Variants in GRK1 observed in about 807,000 individuals in gnomAD.
GRK1 encodes rhodopsin kinase GRK1.
In GRK1, 28 loss-of-function variants were observed where a neutral mutation model predicts 41.7. The observed-to-expected ratio is 0.67, with a 90% confidence interval of 0.50 to 0.92. The LOEUF (loss-of-function observed/expected upper bound fraction) is 0.92. GRK1 is among the 40% of genes least tolerant of loss of function. The pLI is 0.00. For missense variants in GRK1, 703 were observed against 671.2 expected (o/e 1.05, Z -0.52); for synonymous variants, 327 against 286.7 (o/e 1.14, Z -1.42).
upstream of GRK1, among the ~76,000 whole-genome samples, chr13:113,663,352 G>C (rs1397906909): frequency 2.2e-4 from 33 of 152,210 alleles, 1 homozygote; most frequent in Admixed American, 2.2e-3. Flanking sequence ...ACCCAAAGTG[G>C]ATATGAACGT....
the GRK1 span, chr13:113,651,626 G>C: frequency 2.6e-6 from 4 of 1,547,278 alleles, no homozygotes; most frequent in South Asian, 3.6e-5. Flanking sequence ...ACCCTGACAA[G>C]CTCCTTTCCT....
chr13:113,733,441 C>T (rs1397606747), intron 6 of GRK1, among the ~76,000 whole-genome samples: 1 of 151,086 alleles, frequency 6.6e-6, no homozygotes, highest in Non-Finnish European at 1.5e-5. Flanking sequence ...AAGTCATCCA[C>T]CCACCAGCAC....
At chr13:113,672,478 T>C (rs1184701548) in intron 3 of GRK1, among the ~76,000 whole-genome samples, 17 of 140,310 alleles carry the variant, frequency 1.2e-4, no homozygotes, top group African/African-American at 4.5e-4. Flanking sequence ...GTGTGTGGTA[T>C]CTGTATGGTG....
intron 5 of GRK1, 124 bp from the exon 6 acceptor site, chr13:113,732,760 C>A: frequency 1.0e-6 from 1 of 968,230 alleles, no homozygotes; most frequent in Non-Finnish European, 1.5e-6. Flanking sequence ...GGGAGGGGCA[C>A]AAGGCCTCAT....
intron 4 of GRK1, among the ~76,000 whole-genome samples, chr13:113,730,675 C>T (rs958419804): frequency 6.6e-6 from 1 of 152,240 alleles, no homozygotes; most frequent in African/African-American, 2.4e-5. Context: ...CGGACCACCT[C>T]TCTGGAGAGG....
chr13:113,664,895 C>T (rs546080471), upstream of GRK1, among the ~76,000 whole-genome samples: 32 of 152,348 alleles, frequency 2.1e-4, no homozygotes, highest in South Asian at 3.3e-3. This position sits in a 1 kb window ranked among gnomAD's most constrained non-coding sequence, Gnocchi z 5.4. Flanking sequence ...GTGATCCGCC[C>T]AAGGTCACTG....
At chr13:113,730,334 C>G (rs1237854542) in intron 4 of GRK1, among the ~76,000 whole-genome samples, 1 of 148,166 alleles carries the variant, frequency 6.7e-6, no homozygotes, top group Non-Finnish European at 1.5e-5. Flanking sequence ...CCCCAGTCCC[C>G]GCAGCTGAGC....
chr13:113,731,281 C>T lies in GRK1; in HGVS notation c.1132C>T (p.Leu378=). ...EYDFSVDYFA[L]GVTLYEMIAA... The stretch of plus-strand genomic sequence containing the variant: ...CGACTTCTCCGTGGACTACTTTGCC[C>T]TGGGGGTCACCCTGTATGAGATGAT... Residue 378 remains leucine (L), a synonymous_variant, in exon 5 of 7, where the codon CTG becomes TTG. Transcript: ENST00000335678. The surrounding 1 kb of genome is among the most constrained non-coding windows in gnomAD (Gnocchi z 5.6). 2.0e-6 allele frequency: 3 copies of T among 1,537,146 alleles called. No individual in the cohort carries two copies. Among genetic ancestry groups the T allele is most frequent in the South Asian group, 1.2e-5 (1 of 84,058 alleles).
intron 2 of GRK1, among the ~76,000 whole-genome samples, chr13:113,670,476 G>A (rs1322403955): frequency 6.6e-6 from 1 of 152,282 alleles, no homozygotes; most frequent in Non-Finnish European, 1.5e-5. Context: ...TGCAGTGTCT[G>A]ATGCCCGTAA....
At chr13:113,733,598 T>TGTGTGCATACGTGTGTGTGCAC (rs2049957010) in intron 6 of GRK1, among the ~76,000 whole-genome samples, 3 of 144,114 alleles carry the variant, frequency 2.1e-5, no homozygotes, top group Admixed American at 1.4e-4. Context: ...TGTGTGTGCA[T>TGTGTGCATACGTGTGTGTGCAC]GTGTGCGCAT....
At chr13:113,651,754 C>T in the GRK1 span, 33 of 1,611,102 alleles carry the variant, frequency 2.0e-5, no homozygotes, top group East Asian at 1.1e-4. Flanking sequence ...TGAGCGTGGC[C>T]GCTCCCCACC....
the GRK1 span, chr13:113,649,002 T>TGG: frequency 0.13 from 21,244 of 161,150 alleles, 1,513 homozygotes; most frequent in Middle Eastern, 0.21. This position sits in a 1 kb window ranked among gnomAD's most constrained non-coding sequence, Gnocchi z 4.7. Context: ...TATATTAATG[T>TGG]GGGGGGGGCA....
In GRK1 at chr13:113,725,232, G is replaced by A. The variant is rs919669452; in HGVS notation, c.1069+2075G>A. ...CACAGCCATAAGAAGCCTGTCGGGG[G>A]ACTCCCCCTTGCCAGTGCGGTGCGG... On this transcript the variant is annotated intron_variant, in intron 4 of 6. Transcript: ENST00000335678. 6.6e-5 allele frequency among the ~76,000 whole-genome samples: 10 copies of A among 152,394 alleles called. No homozygotes were observed. In the East Asian group the frequency reaches 1.5e-3, roughly 23 times the overall value.
At chr13:113,727,309 C>T (rs1460425075) in intron 4 of GRK1, among the ~76,000 whole-genome samples, 1 of 152,234 alleles carries the variant, frequency 6.6e-6, no homozygotes, top group Non-Finnish European at 1.5e-5. Flanking sequence ...GCGGAGCACT[C>T]AGGGAGGCAG....
the GRK1 span, chr13:113,658,312 C>T: frequency 1.5e-6 from 1 of 652,230 alleles, no homozygotes. Context: ...CGGCCATCGC[C>T]TCACCAAACA....
chr13:113,653,285 G>A, the GRK1 span: 37 of 1,520,720 alleles, frequency 2.4e-5, no homozygotes, highest in African/African-American at 1.3e-4. Context: ...TCACCCACCC[G>A]CCGCTTCACA....
intron 6 of GRK1, among the ~76,000 whole-genome samples, chr13:113,733,459 A>G (rs2049952466): frequency 6.7e-6 from 1 of 148,698 alleles, no homozygotes; most frequent in African/African-American, 2.5e-5. Context: ...CACTTGCTTG[A>G]CAAGTGGATG....
chr13:113,648,598 CTTAACA>C, the GRK1 span, among the ~76,000 whole-genome samples: 581 of 152,290 alleles, frequency 3.8e-3, 3 homozygotes, highest in Non-Finnish European at 6.5e-3. Flanking sequence ...GAGCTGCTAA[CTTAACA>C]TTTATATTTG....
chr13:113,731,498 C>T lies in GRK1; in HGVS notation c.1194+155C>T, dbSNP rs957739690. On this transcript the variant is annotated intron_variant, in intron 5 of 6. Coordinates refer to ENST00000335678, the MANE Select transcript of GRK1 (RefSeq NM_002929.3). The surrounding 1 kb of genome is among the most constrained non-coding windows in gnomAD (Gnocchi z 5.6). The stretch of plus-strand genomic sequence containing the variant: ...CACAGATTCACGTGCTGGGGTCTTG[C>T]TCCTGGGCCATGCTGTTCTGTCTCA... 11 of 662,946 alleles carry T rather than the reference C, an allele frequency of 1.7e-5. No homozygotes were observed. Among genetic ancestry groups the T allele is most frequent in the African/African-American group, 2.0e-5 (1 of 50,722 alleles). 41.1% of individuals were successfully genotyped at this position (662,946 alleles called of 1,614,324 possible). A position where few individuals can be genotyped will look rare whatever the true frequency, so the allele number is the denominator to read the frequency against.
Sources: gnomAD v4.1 joint callset for allele counts (sites outside exome capture counted in the v4.1 genomes callset) on GRCh38, gnomAD v4.1.1 for gene constraint, Gnocchi (gnomAD v3.1) non-coding constraint, MANE v1.5 for transcripts, NCBI Gene and HGNC (gene_info 2026-07-23, HGNC 2026-07-21) for gene names.